The following MRPL37 variants were observed in gnomAD, a reference collection of about 807,000 sequenced individuals.
The protein encoded by MRPL37 is mitochondrial ribosomal protein L37, also known as large ribosomal subunit protein mL37.
A neutral mutation model predicts 44.1 loss-of-function variants in MRPL37; 34 were observed. That is an observed-to-expected ratio of 0.77 (90% CI 0.59 to 1.03). MRPL37 has a LOEUF of 1.03. MRPL37 is among the 50% of genes least tolerant of loss of function. The pLI, the probability that MRPL37 is intolerant of heterozygous loss-of-function variation, is 0.00. For synonymous variants in MRPL37, 212 were observed against 219.5 expected, an observed-to-expected ratio of 0.97 and a Z score of 0.30; for missense variants, 532 against 543.7, an observed-to-expected ratio of 0.98 and a Z score of 0.21.
At chr1:54,221,071 C>T (rs554840049), downstream of MRPL37, 8 of 348,664 alleles carry the variant, frequency 2.3e-5, no homozygotes, top group Admixed American at 2.0e-4. Flanking sequence ...GATACAGCAC[C>T]TCCCTTCCAA....
At chr1:54,204,354 T>G (rs1330382273) in intron 1 of MRPL37, among the ~76,000 whole-genome samples, 1 of 151,840 alleles carries the variant, frequency 6.6e-6, no homozygotes, top group Non-Finnish European at 1.5e-5. Context: ...TCAGTCATCA[T>G]GTCGCCCAGT....
downstream of MRPL37, among the ~76,000 whole-genome samples, chr1:54,224,594 A>G (rs1644261542): frequency 6.6e-6 from 1 of 152,180 alleles, no homozygotes; most frequent in Admixed American, 6.5e-5. Flanking sequence ...TGGTCCCCTA[A>G]GGGCTTTATA....
At chr1:54,205,461 T>A in intron 3 of MRPL37, 51 bp downstream of exon 3, 1 of 1,468,858 alleles carries the variant, frequency 6.8e-7, no homozygotes, top group Non-Finnish European at 9.5e-7. Context: ...TTTGCCTTTC[T>A]ACTCTTAACC....
chr1:54,200,181 G>T lies in MRPL37; in HGVS notation c.-63G>T. Reference sequence around the variant, plus strand: ...TGGCGCCCGGTCTCATTCGTTCCCAGCAGGCCCTGCGCGCGGCAACATGGC... The same window carrying T: ...TGGCGCCCGGTCTCATTCGTTCCCATCAGGCCCTGCGCGCGGCAACATGGC... On this transcript the variant is annotated 5_prime_UTR_variant, in exon 1 of 7. Coordinates refer to ENST00000360840, the MANE Select transcript of MRPL37 (RefSeq NM_016491.4). 6.8e-7 allele frequency: 1 copy of T among 1,473,564 alleles called. No individual in the cohort carries two copies. The highest frequency in any genetic ancestry group is 9.0e-7 in the Non-Finnish European group (1 of 1,108,302). 91.3% of individuals were successfully genotyped at this position (1,473,564 alleles called of 1,614,324 possible).
chr1:54,203,676 A>G (rs1201403926), intron 1 of MRPL37, among the ~76,000 whole-genome samples: 2 of 151,798 alleles, frequency 1.3e-5, no homozygotes, highest in African/African-American at 2.4e-5. Flanking sequence ...GGGTTTTACC[A>G]TGTTGGCCAG....
chr1:54,215,927 C>G (rs34713020), intron 5 of MRPL37, among the ~76,000 whole-genome samples: 2,417 of 152,266 alleles, frequency 0.016, 51 homozygotes, highest in East Asian at 0.069. Context: ...AGCAGGCACC[C>G]TGGGGCCATG....
At chr1:54,201,020 TCCAGGC>T (rs1644076981) in intron 1 of MRPL37, among the ~76,000 whole-genome samples, 1 of 152,174 alleles carries the variant, frequency 6.6e-6, no homozygotes, top group African/African-American at 2.4e-5. Context: ...ATGTTTAATC[TCCAGGC>T]CTGTCACCTC....
chr1:54,212,272 G>A (rs527510966), intron 4 of MRPL37, among the ~76,000 whole-genome samples: 28 of 152,334 alleles, frequency 1.8e-4, no homozygotes, highest in Admixed American at 3.9e-4. Flanking sequence ...ACGTAAATGA[G>A]TGAATGTGGT....
chr1:54,205,555 A>AC, intron 3 of MRPL37, 145 bp downstream of exon 3: 1 of 652,630 alleles, frequency 1.5e-6, no homozygotes, highest in Non-Finnish European at 2.6e-6. Flanking sequence ...GCTCAGACAC[A>AC]CCCTCAGTAT....
chr1:54,214,532 C>T (rs1019721018), intron 5 of MRPL37, among the ~76,000 whole-genome samples: 1 of 152,210 alleles, frequency 6.6e-6, no homozygotes, highest in Non-Finnish European at 1.5e-5. Flanking sequence ...AACATGATCT[C>T]TCCAGTTTTG....
intron 6 of MRPL37, 95 bp from the exon 7 acceptor site, chr1:54,218,077 G>A: frequency 2.7e-6 from 3 of 1,114,572 alleles, no homozygotes; most frequent in Admixed American, 1.7e-5. Context: ...GAAAGTTACT[G>A]TCCAGGCACT....
chr1:54,218,149 C>G (rs753569506), intron 6 of MRPL37, 23 bp from the exon 7 acceptor site: 1 of 1,601,054 alleles, frequency 6.2e-7, no homozygotes, highest in Admixed American at 1.7e-5. Flanking sequence ...TAGCAGGATC[C>G]TAATGAACCG....
intron 1 of MRPL37, among the ~76,000 whole-genome samples, chr1:54,201,494 G>C (rs770780500): frequency 7.2e-5 from 11 of 152,228 alleles, no homozygotes; most frequent in Admixed American, 6.5e-5. Context: ...ACAATACCAA[G>C]TGGATGAATG....
intron 5 of MRPL37, among the ~76,000 whole-genome samples, chr1:54,215,927 C>T (rs34713020): frequency 6.6e-6 from 1 of 152,156 alleles, no homozygotes; most frequent in South Asian, 2.1e-4. Flanking sequence ...AGCAGGCACC[C>T]TGGGGCCATG....
chr1:54,218,042 C>A lies in MRPL37; in HGVS notation c.1195-130C>A. On this transcript the variant is annotated intron_variant, in intron 6 of 6. Transcript: ENST00000360840. ...AGCCCCTCAATGCCCCTTCTTAGTC[C>A]GAGAGAGAGACGATGTCAGAAAAAG... 6 of 877,472 alleles carry A rather than the reference C, an allele frequency of 6.8e-6. No homozygotes were observed. The East Asian group carries it at 7.3e-5, about 11-fold the overall frequency. The allele number at this position is 877,472 out of a possible 1,614,324, so 54.4% of individuals were successfully genotyped here.
chr1:54,209,993 A>G lies in MRPL37; in HGVS notation c.694A>G (p.Thr232Ala), dbSNP rs538038047. ...VRGSGGARLS[T>A]KDPLPTIASR... Reference sequence around the variant, plus strand: ...TGGTTCTGGTGGAGCCCGACTGAGCACTAAGGATCCTCTGCCCACCATCGC... The same window carrying G: ...TGGTTCTGGTGGAGCCCGACTGAGCGCTAAGGATCCTCTGCCCACCATCGC... The change falls in exon 4 of 7, where the codon ACT becomes GCT. Residue 232 changes from threonine (T) to alanine (A), a missense_variant. Transcript: ENST00000360840. The G allele has an allele frequency of 1.9e-6, 3 of 1,614,198 alleles. No homozygotes were observed. The highest frequency in any genetic ancestry group is 1.7e-5 in the Admixed American group (1 of 60,012).
downstream of MRPL37, chr1:54,225,335 G>A: frequency 8.1e-7 from 1 of 1,234,138 alleles, no homozygotes; most frequent in Non-Finnish European, 1.0e-6. Flanking sequence ...ATCTTGTTAT[G>A]CACCAGGAAC....
At chr1:54,201,823 T>C (rs949513342) in intron 1 of MRPL37, among the ~76,000 whole-genome samples, 1 of 152,210 alleles carries the variant, frequency 6.6e-6, no homozygotes, top group African/African-American at 2.4e-5. Flanking sequence ...GGGTAGATGG[T>C]GACTTTCAGT....
At chr1:54,221,116 G>A (rs1392258400), downstream of MRPL37, among the ~76,000 whole-genome samples, 1 of 150,592 alleles carries the variant, frequency 6.6e-6, no homozygotes, top group Non-Finnish European at 1.5e-5. Flanking sequence ...GGCTCCATTC[G>A]CCAAGGTTTC....
Sources: allele counts gnomAD v4.1 joint callset (sites outside exome capture counted in the v4.1 genomes callset), GRCh38; gene constraint gnomAD v4.1.1; transcripts MANE v1.5; gene names NCBI Gene and HGNC (gene_info 2026-07-23, HGNC 2026-07-21).